The following DDAH1 variants were observed in gnomAD, a reference collection of about 807,000 sequenced individuals.
DDAH1 encodes the protein dimethylarginine dimethylaminohydrolase 1.
A neutral mutation model predicts 28.8 loss-of-function variants in DDAH1; 19 were observed. The observed-to-expected ratio is 0.66, with a 90% confidence interval of 0.46 to 0.97. DDAH1 has a LOEUF of 0.97. DDAH1 is among the 50% of genes least tolerant of loss of function. The pLI, the probability that DDAH1 is intolerant of heterozygous loss-of-function variation, is 0.00. For synonymous variants in DDAH1, 153 were observed against 154.4 expected (o/e 0.99, Z 0.07); for missense variants, 326 against 375.9 (o/e 0.87, Z 1.10).
intron 2 of DDAH1, among the ~76,000 whole-genome samples, chr1:85,479,566 C>T (rs1755314): frequency 0.31 from 47,737 of 152,144 alleles, 8,923 homozygotes; most frequent in South Asian, 0.44. Flanking sequence ...GGGGTTTTCA[C>T]CACTAATTGC....
At chr1:85,529,707 C>T (rs571082610) in intron 1 of DDAH1, among the ~76,000 whole-genome samples, 1 of 142,200 alleles carries the variant, frequency 7.0e-6, no homozygotes, top group South Asian at 2.3e-4. Flanking sequence ...TTGTGGGTGG[C>T]AGAGGCCAGG....
At chr1:85,428,229 G>A (rs1001017076) in intron 1 of DDAH1, among the ~76,000 whole-genome samples, 4 of 152,128 alleles carry the variant, frequency 2.6e-5, no homozygotes, top group South Asian at 2.1e-4. Context: ...CTTCTCTCAC[G>A]CTGCTAATAA....
At chr1:85,563,228 C>T (rs1420437479) in intron 1 of DDAH1, among the ~76,000 whole-genome samples, 1 of 152,152 alleles carries the variant, frequency 6.6e-6, no homozygotes, top group Non-Finnish European at 1.5e-5. Flanking sequence ...ACAAAGAGAG[C>T]TCCAGAGATC....
At chr1:85,444,669 G>A (rs1443963263) in intron 1 of DDAH1, among the ~76,000 whole-genome samples, 1 of 152,136 alleles carries the variant, frequency 6.6e-6, no homozygotes, top group African/African-American at 2.4e-5. Flanking sequence ...GACATTCACT[G>A]AGCGCCTACT....
chr1:85,470,545 C>T (rs1215465469), intron 2 of DDAH1, among the ~76,000 whole-genome samples: 1 of 152,208 alleles, frequency 6.6e-6, no homozygotes, highest in Non-Finnish European at 1.5e-5. Flanking sequence ...TCAAGGATGT[C>T]CTTGTCCAAC....
At chr1:85,331,684 G>A (rs894139917) in intron 4 of DDAH1, among the ~76,000 whole-genome samples, 1 of 152,162 alleles carries the variant, frequency 6.6e-6, no homozygotes, top group Non-Finnish European at 1.5e-5. Context: ...AAAACTGATA[G>A]CATATTTTCA....
chr1:85,439,046 T>C (rs1654073099), intron 1 of DDAH1, among the ~76,000 whole-genome samples: 1 of 152,236 alleles, frequency 6.6e-6, no homozygotes, highest in Non-Finnish European at 1.5e-5. Context: ...TTGAAAACTG[T>C]GATAATATCA....
intron 2 of DDAH1, among the ~76,000 whole-genome samples, chr1:85,470,503 T>G (rs1655580703): frequency 6.6e-6 from 1 of 152,270 alleles, no homozygotes; most frequent in Non-Finnish European, 1.5e-5. Context: ...CCAAACCATA[T>G]CAGGGTGGGA....
intron 2 of DDAH1, among the ~76,000 whole-genome samples, chr1:85,352,060 G>A (rs370298598): frequency 6.6e-5 from 10 of 152,270 alleles, no homozygotes; most frequent in Middle Eastern, 3.4e-3. Flanking sequence ...TAATAGCAAT[G>A]ACAATTTAAC....
chr1:85,555,217 A>G (rs997455414), intron 1 of DDAH1, among the ~76,000 whole-genome samples: 1 of 152,226 alleles, frequency 6.6e-6, no homozygotes, highest in Non-Finnish European at 1.5e-5. Flanking sequence ...CTTGAATAGG[A>G]GATAGTGGAT....
Position 85,430,690 on chromosome 1 carries a change from GCTCT to G in DDAH1, c.303+34049_303+34052del, listed in dbSNP as rs569462801. Among the ~76,000 whole-genome samples, 33 of 151,984 alleles carry G rather than the reference GCTCT, an allele frequency of 2.2e-4. No individual in the cohort carries two copies. In the South Asian group the frequency reaches 6.2e-3, roughly 29 times the overall value. ...TGAATGGGAATTCACTCATGATTTG[GCTCT>G]CTATTATTGGTGTATAGGAGTGCTT... On this transcript the variant is annotated intron_variant, in intron 1 of 5. Coordinates refer to ENST00000284031, the MANE Select transcript of DDAH1 (RefSeq NM_012137.4).
intron 1 of DDAH1, among the ~76,000 whole-genome samples, chr1:85,364,075 G>A (rs1296021246): frequency 6.6e-6 from 1 of 152,064 alleles, no homozygotes; most frequent in Admixed American, 6.5e-5. Flanking sequence ...AAAGAAGAAA[G>A]GGTAGATATT....
intron 1 of DDAH1, among the ~76,000 whole-genome samples, chr1:85,456,894 G>A (rs1214189311): frequency 6.6e-6 from 1 of 152,030 alleles, no homozygotes; most frequent in Non-Finnish European, 1.5e-5. Flanking sequence ...AATCTAAATG[G>A]CAAACTCAGG....
rs562107592 is a variant in DDAH1 at position 85,546,837 on chromosome 1, CAA to C, written c.-123+31145_-123+31146del. On this transcript the variant is annotated intron_variant, in intron 1 of 6. Coordinates refer to the DDAH1 transcript ENST00000426972. ...ATTAAAAAAAGAAGAAATAAATAAA[CAA>C]AGAAGAAAATGTTAATGAATAAGCA... Among the ~76,000 whole-genome samples the C allele has an allele frequency of 6.8e-4, 104 of 152,012 alleles. 2 individuals carry two copies. In the South Asian group the frequency reaches 0.02, roughly 29 times the overall value.
chr1:85,533,853 T>G (rs1658175676), intron 1 of DDAH1, among the ~76,000 whole-genome samples: 1 of 152,214 alleles, frequency 6.6e-6, no homozygotes, highest in Admixed American at 6.5e-5. Flanking sequence ...GGACAATGTC[T>G]GGTAAGTGTT....
At chr1:85,462,378 A>C (rs553614253) in intron 1 of DDAH1, among the ~76,000 whole-genome samples, 1 of 152,290 alleles carries the variant, frequency 6.6e-6, no homozygotes, top group South Asian at 2.1e-4. Flanking sequence ...GAGAAGGGAC[A>C]GGATCAGATC....
intron 2 of DDAH1, among the ~76,000 whole-genome samples, chr1:85,354,287 C>T (rs767379478): frequency 9.2e-5 from 14 of 151,812 alleles, no homozygotes; most frequent in Non-Finnish European, 1.8e-4. Flanking sequence ...TTCCTTTATC[C>T]TTTGTATTTT....
intron 1 of DDAH1, among the ~76,000 whole-genome samples, chr1:85,381,181 C>T (rs1650965218): frequency 6.6e-6 from 1 of 150,702 alleles, no homozygotes; most frequent in African/African-American, 2.4e-5. Flanking sequence ...TTGCAGTGAG[C>T]CGAGATCACT....
intron 4 of DDAH1, among the ~76,000 whole-genome samples, chr1:85,343,932 A>G (rs2100828050): frequency 6.6e-6 from 1 of 152,382 alleles, no homozygotes; most frequent in East Asian, 1.9e-4. Context: ...GTCATTCAAA[A>G]GAAAAACAGG....
Sources: gnomAD v4.1 joint callset for allele counts (sites outside exome capture counted in the v4.1 genomes callset) on GRCh38, gnomAD v4.1.1 for gene constraint, MANE v1.5 for transcripts, NCBI Gene and HGNC (gene_info 2026-07-23, HGNC 2026-07-21) for gene names.